CREB5: variants seen among roughly 807,000 people sequenced by gnomAD.
CREB5 encodes the protein cyclic AMP-responsive element-binding protein 5.
CREB5 carries 19 observed loss-of-function variants against 57.1 expected under a neutral mutation model. That is an observed-to-expected ratio of 0.33 (90% CI 0.23 to 0.49). CREB5 has a LOEUF of 0.49. Among genes scored for constraint, CREB5 ranks in the 20% least tolerant of loss-of-function variants. CREB5 has a pLI of 0.99. For synonymous variants in CREB5, 238 were observed against 238.3 expected, an observed-to-expected ratio of 1.00 and a Z score of 0.01; for missense variants, 579 against 671.6, an observed-to-expected ratio of 0.86 and a Z score of 1.52.
At chr7:28,654,097 C>T (rs1799242618) in intron 5 of CREB5, among the ~76,000 whole-genome samples, 1 of 152,140 alleles carries the variant, frequency 6.6e-6, no homozygotes, top group African/African-American at 2.4e-5. Flanking sequence ...CTGTGAAGTT[C>T]CAGATACACC....
intron 1 of CREB5, among the ~76,000 whole-genome samples, chr7:28,463,067 A>C (rs1270356777): frequency 6.6e-6 from 1 of 152,030 alleles, no homozygotes; most frequent in East Asian, 1.9e-4. Flanking sequence ...TTTACCTCTT[A>C]TATTTTGTTC....
At chr7:28,310,318 C>T (rs1785254326) in intron 1 of CREB5, among the ~76,000 whole-genome samples, 1 of 152,168 alleles carries the variant, frequency 6.6e-6, no homozygotes, top group African/African-American at 2.4e-5. Flanking sequence ...AGTAATAGTA[C>T]CTTGTCTGAG....
At chr7:28,452,322 G>C (rs1789861637) in intron 1 of CREB5, among the ~76,000 whole-genome samples, 1 of 151,580 alleles carries the variant, frequency 6.6e-6, no homozygotes, top group African/African-American at 2.4e-5. Flanking sequence ...TCTTCTTTCT[G>C]ACAAATATTT....
At chr7:28,361,156 TAAG>T (rs1163348853) in intron 1 of CREB5, among the ~76,000 whole-genome samples, 4 of 152,156 alleles carry the variant, frequency 2.6e-5, no homozygotes, top group Non-Finnish European at 5.9e-5. Context: ...ACTGTAATAA[TAAG>T]ATTACTTATT....
chr7:28,736,812 C>G (rs1466685534), intron 7 of CREB5, among the ~76,000 whole-genome samples: 1 of 116,388 alleles, frequency 8.6e-6, no homozygotes, highest in Non-Finnish European at 1.9e-5. Context: ...TACTTAGGCT[C>G]TCTCTCTCTC....
At chr7:28,778,848 C>T (rs977649052) in intron 7 of CREB5, 1 of 152,122 alleles carries the variant, frequency 6.6e-6, no homozygotes, top group African/African-American at 2.4e-5. Context: ...TCAGATATAG[C>T]AAATGTATTT....
chr7:28,381,303 C>T (rs898869463), intron 1 of CREB5, among the ~76,000 whole-genome samples: 2 of 152,206 alleles, frequency 1.3e-5, no homozygotes, highest in African/African-American at 2.4e-5. Flanking sequence ...GAGTGCCTTC[C>T]TCATAACAGG....
chr7:28,699,970 T>G (rs1029921393), intron 5 of CREB5, among the ~76,000 whole-genome samples: 5 of 152,210 alleles, frequency 3.3e-5, no homozygotes, highest in African/African-American at 1.2e-4. Context: ...GAAATCAGTT[T>G]TAACATTTTT....
chr7:28,697,681 A>T (rs17157048), intron 5 of CREB5, among the ~76,000 whole-genome samples: 1 of 152,074 alleles, frequency 6.6e-6, no homozygotes, highest in African/African-American at 2.4e-5. Flanking sequence ...CGCAATTGGG[A>T]ATCTCCAGAA....
intron 4 of CREB5, among the ~76,000 whole-genome samples, chr7:28,533,078 A>G (rs566828518): frequency 1.3e-5 from 2 of 152,264 alleles, no homozygotes; most frequent in South Asian, 4.2e-4. Flanking sequence ...ATGATGGTGA[A>G]ACCCTGTCTC....
At chr7:28,669,308 G>A (rs186365560) in intron 5 of CREB5, among the ~76,000 whole-genome samples, 262 of 152,320 alleles carry the variant, frequency 1.7e-3, no homozygotes, top group African/African-American at 6.1e-3. Context: ...ACTAGGCAAC[G>A]TTTACTTTGA....
chr7:28,467,851 G>A (rs1466145747), intron 1 of CREB5, among the ~76,000 whole-genome samples: 1 of 152,196 alleles, frequency 6.6e-6, no homozygotes, highest in East Asian at 1.9e-4. Flanking sequence ...CCCCTAGGAT[G>A]GGAATGGGCG....
intron 4 of CREB5, among the ~76,000 whole-genome samples, chr7:28,525,755 A>C (rs551161292): frequency 5.9e-5 from 9 of 152,034 alleles, no homozygotes; most frequent in Admixed American, 5.2e-4. Context: ...GTGTGTGTGT[A>C]TGTGTGTGTG....
At chr7:28,689,209 G>A (rs1042383396) in intron 5 of CREB5, among the ~76,000 whole-genome samples, 1 of 152,138 alleles carries the variant, frequency 6.6e-6, no homozygotes, top group Admixed American at 6.5e-5. Flanking sequence ...GAGCGCAGTG[G>A]CTCACGCCTG....
At chr7:28,653,211 G>A (rs895680588) in intron 5 of CREB5, among the ~76,000 whole-genome samples, 1 of 152,128 alleles carries the variant, frequency 6.6e-6, no homozygotes, top group Admixed American at 6.5e-5. Context: ...ATAAATTATA[G>A]CTACCATTTG....
chr7:28,461,880 A>T lies in CREB5; in HGVS notation c.4-26295A>T, dbSNP rs192208990. Among the ~76,000 whole-genome samples the T allele has an allele frequency of 1.1e-3, 165 of 152,222 alleles. 2 individuals carry two copies. Among genetic ancestry groups the T allele is most frequent in the Non-Finnish European group, 9.3e-4 (63 of 68,006 alleles). ...CTTGTAGTTTTATATATATATATGA[A>T]TATAAATATATATGTCAGCTTTATT... is the stretch of plus-strand genomic sequence containing the variant. On this transcript the variant is annotated intron_variant, in intron 1 of 10. Transcript: ENST00000357727.
chr7:28,417,501 G>A (rs1261989052), intron 1 of CREB5, among the ~76,000 whole-genome samples: 2 of 151,842 alleles, frequency 1.3e-5, no homozygotes, highest in Non-Finnish European at 2.9e-5. Context: ...GTAAATCAGT[G>A]GTTTATGATC....
chr7:28,375,088 A>T (rs1207983686), intron 1 of CREB5, among the ~76,000 whole-genome samples: 1 of 152,236 alleles, frequency 6.6e-6, no homozygotes, highest in African/African-American at 2.4e-5. Flanking sequence ...CGTTGAACTC[A>T]AAAGGGGTGA....
intron 5 of CREB5, among the ~76,000 whole-genome samples, chr7:28,695,351 T>C (rs1258461919): frequency 6.6e-6 from 1 of 152,232 alleles, no homozygotes; most frequent in Non-Finnish European, 1.5e-5. Flanking sequence ...GCCAGGCCAG[T>C]GAGCTTCCTG....
Sources: allele counts gnomAD v4.1 joint callset (sites outside exome capture counted in the v4.1 genomes callset), GRCh38; gene constraint gnomAD v4.1.1; transcripts MANE v1.5; gene names NCBI Gene and HGNC (gene_info 2026-07-23, HGNC 2026-07-21).